ADAMTS20: variants seen among roughly 807,000 people sequenced by gnomAD.
The protein encoded by ADAMTS20 is ADAM metallopeptidase with thrombospondin type 1 motif 20, also known as A disintegrin and metalloproteinase with thrombospondin motifs 20.
Under a neutral mutation model 260.1 loss-of-function variants are expected in ADAMTS20, and 225 were observed. The ratio of observed to expected loss-of-function variants is 0.87; its 90% CI spans 0.78 to 0.97. ADAMTS20 has a LOEUF of 0.97. Ranked by LOEUF, ADAMTS20 falls within the 50% of genes least tolerant of loss-of-function variation. ADAMTS20 has a pLI of 0.00. For missense variants in ADAMTS20, 2,400 were observed against 2,337.7 expected (o/e 1.03, Z -0.55); for synonymous variants, 802 against 769.5 (o/e 1.04, Z -0.70).
chr12:43,417,511 T>C (rs563995992), intron 28 of ADAMTS20, among the ~76,000 whole-genome samples: 1 of 152,268 alleles, frequency 6.6e-6, no homozygotes, highest in South Asian at 2.1e-4. Flanking sequence ...TTAAGTACAA[T>C]CTAGGGGGTG....
At chr12:43,457,089 T>G (rs1266519222) in intron 11 of ADAMTS20, among the ~76,000 whole-genome samples, 3 of 152,194 alleles carry the variant, frequency 2.0e-5, no homozygotes, top group African/African-American at 7.2e-5. Context: ...CAATAGCCAG[T>G]TCTTATTCTC....
intron 2 of ADAMTS20, among the ~76,000 whole-genome samples, chr12:43,548,796 T>C (rs1405074093): frequency 1.3e-5 from 2 of 152,138 alleles, no homozygotes; most frequent in Non-Finnish European, 2.9e-5. Flanking sequence ...GATTGAAGTA[T>C]GCAACTAAGC....
chr12:43,447,979 A>C (rs907512371), intron 14 of ADAMTS20, among the ~76,000 whole-genome samples: 1 of 152,200 alleles, frequency 6.6e-6, no homozygotes, highest in Non-Finnish European at 1.5e-5. Flanking sequence ...ACACTGCTCA[A>C]AGCAATAGAG....
chr12:43,520,556 C>G (rs1943057194), intron 3 of ADAMTS20, among the ~76,000 whole-genome samples: 1 of 152,036 alleles, frequency 6.6e-6, no homozygotes, highest in African/African-American at 2.4e-5. Flanking sequence ...GTGACATGTT[C>G]CTCAAAACTG....
intron 7 of ADAMTS20, among the ~76,000 whole-genome samples, chr12:43,478,595 C>T (rs757816293): frequency 7.2e-5 from 11 of 151,970 alleles, no homozygotes; most frequent in Non-Finnish European, 1.3e-4. Flanking sequence ...TTTAATGAAA[C>T]TGCTTTATAT....
intron 31 of ADAMTS20, 49 bp downstream of exon 31, chr12:43,383,509 G>T (rs759374487): frequency 7.2e-6 from 11 of 1,536,062 alleles, no homozygotes; most frequent in Admixed American, 2.0e-5. Flanking sequence ...TGTAGATCCA[G>T]CTGTTTTATC....
intron 7 of ADAMTS20, among the ~76,000 whole-genome samples, chr12:43,486,030 TTTC>T (rs1463710529): frequency 1.3e-5 from 2 of 152,094 alleles, no homozygotes. Context: ...ATTCAATGCA[TTTC>T]TATCAAAATA....
chr12:43,499,175 A>T (rs2137441402), intron 4 of ADAMTS20, among the ~76,000 whole-genome samples: 1 of 152,334 alleles, frequency 6.6e-6, no homozygotes. Flanking sequence ...TTTGGAATGC[A>T]CACCTTTTCC....
Position 43,504,060 on chromosome 12 carries a change from C to T in ADAMTS20, c.614-1655G>A, listed in dbSNP as rs77349987. 7.2e-3 allele frequency among the ~76,000 whole-genome samples: 1,091 copies of T among 152,056 alleles called. 7 individuals are homozygous for T. Among genetic ancestry groups the T allele is most frequent in the Middle Eastern group, 0.017 (5 of 294 alleles). On this transcript the variant is annotated intron_variant, in intron 3 of 38. Coordinates refer to ENST00000389420, the MANE Select transcript of ADAMTS20 (RefSeq NM_025003.5). ...TGTCTTTATAGAACAATTTATATTC[C>T]TTTGGGTATATGCCCAATAATGGGG... is the stretch of plus-strand genomic sequence containing the variant.
intron 14 of ADAMTS20, among the ~76,000 whole-genome samples, chr12:43,447,033 C>A (rs112005698): frequency 3.5e-4 from 53 of 151,840 alleles, no homozygotes; most frequent in African/African-American, 1.2e-3. Flanking sequence ...CAGGATCACA[C>A]GATTCCCAGC....
At chr12:43,507,253 A>G (rs1032854468) in intron 3 of ADAMTS20, among the ~76,000 whole-genome samples, 4 of 152,196 alleles carry the variant, frequency 2.6e-5, no homozygotes, top group Non-Finnish European at 5.9e-5. Flanking sequence ...ATACATCAAT[A>G]AAGCTGGGGT....
rs143406377 is a variant in ADAMTS20 at position 43,479,979 on chromosome 12, G to T, written c.1117+10416C>A. The stretch of plus-strand genomic sequence containing the variant: ...ATTGAGACACAACTAGAGTGAGAAA[G>T]CTTAAAACAATAAGAAAATGCTATG... On this transcript the variant is annotated intron_variant, in intron 7 of 38. Transcript: ENST00000389420. Among the ~76,000 whole-genome samples, 537 of 152,116 alleles carry T rather than the reference G, an allele frequency of 3.5e-3. 1 individual carries two copies. Among genetic ancestry groups the T allele is most frequent in the African/African-American group, 0.012 (514 of 41,544 alleles).
intron 28 of ADAMTS20, chr12:43,423,108 C>G (rs1941265581): frequency 6.6e-6 from 1 of 152,020 alleles, no homozygotes; most frequent in African/African-American, 2.4e-5. Context: ...AACTTAAAAG[C>G]ATTATAATGT....
intron 18 of ADAMTS20, among the ~76,000 whole-genome samples, chr12:43,435,310 C>G (rs532484066): frequency 1.3e-5 from 2 of 152,194 alleles, no homozygotes; most frequent in South Asian, 4.2e-4. Context: ...TCTGTACTTT[C>G]TACTCAATTT....
intron 29 of ADAMTS20, among the ~76,000 whole-genome samples, chr12:43,386,273 G>T (rs1003820660): frequency 6.6e-6 from 1 of 152,030 alleles, no homozygotes; most frequent in Admixed American, 6.6e-5. Flanking sequence ...TGAAATTCTG[G>T]GTTGAAAATT....
chr12:43,464,454 A>C (rs1283281394), intron 10 of ADAMTS20, 137 bp downstream of exon 10: 3 of 1,112,538 alleles, frequency 2.7e-6, no homozygotes, highest in East Asian at 2.6e-5. Context: ...TCCTTTTCTT[A>C]ACCTCTTTTT....
At chr12:43,389,087 C>T (rs1182570687) in intron 29 of ADAMTS20, among the ~76,000 whole-genome samples, 7 of 152,182 alleles carry the variant, frequency 4.6e-5, no homozygotes, top group Admixed American at 1.3e-4. Context: ...TCCTCAAATT[C>T]GTGTCCTTCT....
At chr12:43,468,867 G>A (rs1236514711) in intron 7 of ADAMTS20, among the ~76,000 whole-genome samples, 162 bp from the exon 8 acceptor site, 1 of 152,060 alleles carries the variant, frequency 6.6e-6, no homozygotes, top group East Asian at 1.9e-4. Context: ...AAAAGAGAAT[G>A]GAATGATTTA....
intron 3 of ADAMTS20, among the ~76,000 whole-genome samples, chr12:43,508,800 T>C (rs906708340): frequency 1.3e-5 from 2 of 152,158 alleles, no homozygotes; most frequent in Non-Finnish European, 2.9e-5. Flanking sequence ...AAATGTACAA[T>C]AAATTATTGC....
Sources: allele counts gnomAD v4.1 joint callset (sites outside exome capture counted in the v4.1 genomes callset), GRCh38; gene constraint gnomAD v4.1.1; transcripts MANE v1.5; gene names NCBI Gene and HGNC (gene_info 2026-07-23, HGNC 2026-07-21).